Variants in PCDH9 observed in about 807,000 individuals in gnomAD.
The protein encoded by PCDH9 is protocadherin 9.
PCDH9 carries 24 observed loss-of-function variants against 70.6 expected under a neutral mutation model. That is an observed-to-expected ratio of 0.34 (90% confidence interval 0.25 to 0.48). The LOEUF is 0.48. Among genes scored for constraint, PCDH9 ranks in the 20% least tolerant of loss-of-function variants. The pLI, the probability that PCDH9 is intolerant of heterozygous loss-of-function variation, is 0.99. For missense variants in PCDH9, 1,281 were observed against 1,503.6 expected, an observed-to-expected ratio of 0.85 and a Z score of 2.45; for synonymous variants, 562 against 558.5, an observed-to-expected ratio of 1.01 and a Z score of -0.09.
chr13:66,665,658 T>A (rs1053902169), intron 3 of PCDH9, among the ~76,000 whole-genome samples: 3 of 152,184 alleles, frequency 2.0e-5, no homozygotes, highest in Non-Finnish European at 2.9e-5. Context: ...GGGCACATGA[T>A]GTAGTCTATT....
intron 2 of PCDH9, among the ~76,000 whole-genome samples, chr13:67,149,539 A>T (rs915310498): frequency 6.6e-6 from 1 of 151,978 alleles, no homozygotes; most frequent in African/African-American, 2.4e-5. Context: ...ACAAAACATC[A>T]ACTTTCATAC....
chr13:66,344,718 A>G (rs928122520), intron 4 of PCDH9, among the ~76,000 whole-genome samples: 8 of 152,080 alleles, frequency 5.3e-5, no homozygotes, highest in African/African-American at 1.9e-4. Context: ...TATTTCTGAG[A>G]TACTAAATAT....
chr13:67,199,826 A>G (rs2089165137), intron 2 of PCDH9, among the ~76,000 whole-genome samples: 1 of 152,030 alleles, frequency 6.6e-6, no homozygotes, highest in African/African-American at 2.4e-5. Context: ...AAATATTTCT[A>G]TTTATGGGTG....
chr13:66,541,034 T>C (rs1960932325), intron 4 of PCDH9, among the ~76,000 whole-genome samples: 1 of 152,192 alleles, frequency 6.6e-6, no homozygotes, highest in Admixed American at 6.5e-5. Flanking sequence ...TTACAAGTTT[T>C]GTCTAGATTT....
chr13:66,815,122 C>A (rs532833471), intron 3 of PCDH9, among the ~76,000 whole-genome samples: 23 of 152,104 alleles, frequency 1.5e-4, no homozygotes, highest in African/African-American at 5.5e-4. Flanking sequence ...CCTAAACAGA[C>A]AATTTTCAAA....
chr13:66,372,465 G>A (rs1215247275), intron 4 of PCDH9, among the ~76,000 whole-genome samples: 5 of 151,764 alleles, frequency 3.3e-5, no homozygotes, highest in South Asian at 2.1e-4. Context: ...AAAAGTGAAG[G>A]ATATATTTCT....
At chr13:66,814,110 A>G (rs371329274) in intron 3 of PCDH9, among the ~76,000 whole-genome samples, 2 of 152,198 alleles carry the variant, frequency 1.3e-5, no homozygotes, top group South Asian at 4.1e-4. Flanking sequence ...GGCTATTAGC[A>G]TCTGAAAAGT....
intron 2 of PCDH9, among the ~76,000 whole-genome samples, chr13:67,019,947 T>C (rs2084642541): frequency 6.6e-6 from 1 of 152,238 alleles, no homozygotes; most frequent in Admixed American, 6.5e-5. Flanking sequence ...ATTTGCTGCA[T>C]TGAATACACT....
At chr13:66,441,846 T>C (rs1957979961) in intron 4 of PCDH9, among the ~76,000 whole-genome samples, 1 of 152,162 alleles carries the variant, frequency 6.6e-6, no homozygotes, top group South Asian at 2.1e-4. Context: ...TTCTTAGTAC[T>C]ACATTTCTTC....
At chr13:66,782,056 A>T (rs1328628535) in intron 3 of PCDH9, among the ~76,000 whole-genome samples, 2 of 152,090 alleles carry the variant, frequency 1.3e-5, no homozygotes, top group Non-Finnish European at 2.9e-5. Flanking sequence ...AGAATTTGGT[A>T]TTTCGACTCT....
At chr13:66,397,334 G>T (rs1021952155) in intron 4 of PCDH9, among the ~76,000 whole-genome samples, 1 of 151,954 alleles carries the variant, frequency 6.6e-6, no homozygotes, top group African/African-American at 2.4e-5. Flanking sequence ...TGGGAGGATT[G>T]CTTAAGTTCA....
chr13:66,792,671 AAAC>A lies in PCDH9; in HGVS notation c.3138+110830_3138+110832del, dbSNP rs539503642. On this transcript the variant is annotated intron_variant, in intron 3 of 4. Coordinates refer to ENST00000377865, the MANE Select transcript of PCDH9 (RefSeq NM_203487.3). ...GTGACAAGAGTTAAACTCCATCTCA[AAAC>A]AACAACAACAAAAACCAAGCCAAGA... 1.5e-3 allele frequency among the ~76,000 whole-genome samples: 233 copies of A among 152,180 alleles called. 1 individual carries two copies. Among genetic ancestry groups the A allele is most frequent in the African/African-American group, 5.3e-3 (219 of 41,452 alleles).
At chr13:66,895,776 C>T (rs1430782562) in intron 3 of PCDH9, among the ~76,000 whole-genome samples, 1 of 152,172 alleles carries the variant, frequency 6.6e-6, no homozygotes, top group African/African-American at 2.4e-5. Flanking sequence ...TGATTTACAC[C>T]TGTTTTGTAC....
chr13:66,561,903 G>C (rs1042197638), intron 4 of PCDH9, among the ~76,000 whole-genome samples: 2 of 152,002 alleles, frequency 1.3e-5, no homozygotes, highest in Admixed American at 1.3e-4. Context: ...TTGTTCTTTC[G>C]CTCTTGGCAA....
At chr13:66,790,084 T>C (rs2080140826) in intron 3 of PCDH9, among the ~76,000 whole-genome samples, 1 of 152,138 alleles carries the variant, frequency 6.6e-6, no homozygotes, top group Non-Finnish European at 1.5e-5. Flanking sequence ...TTAATAAGAA[T>C]TTTACTGAAG....
At position 67,228,353 on chromosome 13, in the gene PCDH9, T is replaced by C. The variant is rs1271501092; in HGVS notation, c.88A>G (p.Ile30Val). Reference sequence around the variant, plus strand: ...ACATTTTCAGGCAATTCCTCTCTAATAGTGTAAATAAGTTCTTGAGCTATT... The same window carrying C: ...ACATTTTCAGGCAATTCCTCTCTAACAGTGTAAATAAGTTCTTGAGCTATT... Reference protein sequence around the residue: ...SAIAQELIYTIREELPENVPI... With the variant: ...SAIAQELIYTVREELPENVPI... The change falls in exon 2 of 5, where the codon ATT (isoleucine) becomes GTT (valine). Residue 30 changes from isoleucine to valine, a missense_variant. Transcript: ENST00000377865. 2 of 1,613,902 alleles carry C rather than the reference T, an allele frequency of 1.2e-6. No individual in the cohort carries two copies. Among genetic ancestry groups the C allele is most frequent in the African/African-American group, 1.3e-5 (1 of 74,926 alleles).
intron 4 of PCDH9, among the ~76,000 whole-genome samples, chr13:66,495,871 A>C (rs1323052833): frequency 1.3e-5 from 2 of 152,138 alleles, no homozygotes; most frequent in African/African-American, 4.8e-5. Flanking sequence ...TCTGCCACAT[A>C]TTGAGTGTTC....
At chr13:66,981,176 C>T (rs972428336) in intron 2 of PCDH9, among the ~76,000 whole-genome samples, 1 of 152,068 alleles carries the variant, frequency 6.6e-6, no homozygotes, top group Non-Finnish European at 1.5e-5. Flanking sequence ...CGGTGGCTCA[C>T]GCCTGTAATC....
intron 3 of PCDH9, among the ~76,000 whole-genome samples, chr13:66,844,144 A>G (rs952024009): frequency 1.3e-5 from 2 of 152,122 alleles, no homozygotes; most frequent in Non-Finnish European, 2.9e-5. Flanking sequence ...AAATATTCAA[A>G]TTACGATTTA....
Sources: allele counts gnomAD v4.1 joint callset (sites outside exome capture counted in the v4.1 genomes callset), GRCh38; gene constraint gnomAD v4.1.1; transcripts MANE v1.5; gene names NCBI Gene and HGNC (gene_info 2026-07-23, HGNC 2026-07-21).